The following CCDC7 variants were observed in gnomAD, a reference collection of about 807,000 sequenced individuals.
CCDC7 encodes coiled-coil domain-containing protein 7.
In CCDC7, 183 loss-of-function variants were observed where a neutral mutation model predicts 196.9. That is an observed-to-expected ratio of 0.93 (90% confidence interval 0.82 to 1.05). The LOEUF (loss-of-function observed/expected upper bound fraction) is 1.05. Ranked by LOEUF, CCDC7 falls within the 50% of genes least tolerant of loss-of-function variation. The pLI is 0.00. For missense variants in CCDC7, 1,540 were observed against 1,482.2 expected, an observed-to-expected ratio of 1.04 and a Z score of -0.64; for synonymous variants, 525 against 484.6, an observed-to-expected ratio of 1.08 and a Z score of -1.10.
intron 18 of CCDC7, among the ~76,000 whole-genome samples, chr10:32,617,638 T>C (rs2062925416): frequency 6.6e-6 from 1 of 152,004 alleles, no homozygotes; most frequent in Non-Finnish European, 1.5e-5. Flanking sequence ...TATTCCACTG[T>C]AGTCTGAGAA....
Position 32,796,309 on chromosome 10 carries a change from A to G in CCDC7, c.3014-8706A>G, listed in dbSNP as rs148833986. Among the ~76,000 whole-genome samples, 50 of 152,250 alleles carry G rather than the reference A, an allele frequency of 3.3e-4. No homozygotes were observed. The East Asian group carries it at 8.1e-3, about 25-fold the overall frequency. On this transcript the variant is annotated intron_variant, in intron 29 of 41. Coordinates refer to ENST00000639629, the Ensembl canonical transcript of CCDC7. ...GTAAAGCCAGATTGCTTCTATGCCAACATTTTAAAATCAGAAGCTTTCAAT... is the reference window on the plus strand; with the variant it reads ...GTAAAGCCAGATTGCTTCTATGCCAGCATTTTAAAATCAGAAGCTTTCAAT...
chr10:32,776,268 A>C (rs12257898), intron 28 of CCDC7, among the ~76,000 whole-genome samples: 16,964 of 149,712 alleles, frequency 0.11, 1,105 homozygotes, highest in South Asian at 0.27. Context: ...GTACCCTAAA[A>C]CTTGAAGTAT....
chr10:32,805,076 GAC>G lies in CCDC7; in HGVS notation c.3079_3080del (p.Gln1027ValfsTer8). 1 of 1,611,168 alleles carries G rather than the reference GAC, an allele frequency of 6.2e-7. No individual in the cohort carries two copies. The highest frequency in any genetic ancestry group is 8.5e-7 in the Non-Finnish European group (1 of 1,177,608). On this transcript the variant is annotated frameshift_variant, in exon 30 of 42. Coordinates refer to ENST00000639629, the Ensembl canonical transcript of CCDC7. LOFTEE classifies it high-confidence loss of function. ...GACGCTTATTAAATGATGAATTCAAGACACAGTCAAAGAGTTTCCCTGGTAAG... is the reference window on the plus strand; with the variant it reads ...GACGCTTATTAAATGATGAATTCAAGACAGTCAAAGAGTTTCCCTGGTAAG...
rs2093245764 is a variant in CCDC7, at chr10:32,845,684, A to G, written c.3520+58A>G. 6 of 1,475,226 alleles carry G rather than the reference A, an allele frequency of 4.1e-6. No homozygotes were observed. The South Asian group carries it at 5.8e-5, about 14-fold the overall frequency. 91.4% of individuals were successfully genotyped at this position (1,475,226 alleles called of 1,614,324 possible). A position where few individuals can be genotyped will look rare whatever the true frequency, so the allele number is the denominator to read the frequency against. On this transcript the variant is annotated intron_variant, in intron 35 of 41. Transcript: ENST00000639629. ...TGGTTTATTTATATTCCTGGAGTTA[A>G]ATTAAGTGTGGACATTTAATGGCAA...
At chr10:32,523,800 C>CT (rs956586251) in intron 11 of CCDC7, among the ~76,000 whole-genome samples, 2 of 150,198 alleles carry the variant, frequency 1.3e-5, no homozygotes, top group Non-Finnish European at 3.0e-5. Flanking sequence ...GTTACTCCTG[C>CT]TTTTTTTTTG....
At chr10:32,739,416 A>G (rs2085429740) in intron 28 of CCDC7, among the ~76,000 whole-genome samples, 1 of 152,182 alleles carries the variant, frequency 6.6e-6, no homozygotes, top group African/African-American at 2.4e-5. Context: ...ACTGATAAGA[A>G]CATCAAAGGC....
chr10:32,643,999 G>T (rs2067311457), intron 20 of CCDC7, among the ~76,000 whole-genome samples: 1 of 144,866 alleles, frequency 6.9e-6, no homozygotes, highest in Non-Finnish European at 1.6e-5. Context: ...CAATTCAGAG[G>T]CTTCACAATT....
At chr10:32,471,339 T>G in intron 6 of CCDC7, 109 bp downstream of exon 7, 1 of 1,318,564 alleles carries the variant, frequency 7.6e-7, no homozygotes, top group Non-Finnish European at 1.0e-6. Context: ...ACAGAGCTTC[T>G]TAGTCAAATC....
chr10:32,718,064 G>T (rs572731357), intron 25 of CCDC7, among the ~76,000 whole-genome samples: 11 of 152,184 alleles, frequency 7.2e-5, no homozygotes, highest in African/African-American at 2.6e-4. Flanking sequence ...CCAAAATCTG[G>T]CAGAGACACA....
At chr10:32,508,738 C>T (rs768845189) in intron 9 of CCDC7, among the ~76,000 whole-genome samples, 5 of 151,700 alleles carry the variant, frequency 3.3e-5, no homozygotes, top group Non-Finnish European at 7.4e-5. Context: ...TCAAGCAATT[C>T]TCCTGCCTCA....
At chr10:32,491,472 C>T (rs2042142751) in intron 8 of CCDC7, among the ~76,000 whole-genome samples, 1 of 152,110 alleles carries the variant, frequency 6.6e-6, no homozygotes, top group African/African-American at 2.4e-5. Flanking sequence ...AACAGGTTAG[C>T]TAGATCCTTC....
chr10:32,497,480 T>C (rs1251944571), intron 9 of CCDC7, among the ~76,000 whole-genome samples: 2 of 152,244 alleles, frequency 1.3e-5, no homozygotes, highest in Non-Finnish European at 2.9e-5. Context: ...TTAATTGTGA[T>C]GTTAGGGTGT....
intron 40 of CCDC7, among the ~76,000 whole-genome samples, chr10:32,854,103 C>T (rs745614072): frequency 6.6e-6 from 1 of 152,128 alleles, no homozygotes; most frequent in Non-Finnish European, 1.5e-5. Flanking sequence ...CAAGGTTTAA[C>T]TCCTTCTTGT....
upstream of CCDC7, among the ~76,000 whole-genome samples, chr10:32,446,956 TC>T (rs1419428303): frequency 5.2e-5 from 5 of 96,330 alleles, 1 homozygote; most frequent in African/African-American, 2.1e-4. Context: ...CCTCCCTCCC[TC>T]CCTCCCTCCC....
At chr10:32,502,806 T>C (rs914987123) in intron 9 of CCDC7, among the ~76,000 whole-genome samples, 1 of 152,242 alleles carries the variant, frequency 6.6e-6, no homozygotes, top group African/African-American at 2.4e-5. Context: ...TTTTCAATTC[T>C]TTGTGTGTTC....
intron 33 of CCDC7, among the ~76,000 whole-genome samples, chr10:32,843,764 G>A (rs1252584765): frequency 6.6e-6 from 1 of 151,870 alleles, no homozygotes; most frequent in Non-Finnish European, 1.5e-5. Context: ...TGTGCTAGTT[G>A]GAGTAATAAT....
chr10:32,735,246 G>A (rs1183979711), intron 28 of CCDC7, among the ~76,000 whole-genome samples: 1 of 152,186 alleles, frequency 6.6e-6, no homozygotes, highest in African/African-American at 2.4e-5. Flanking sequence ...GTATCATATA[G>A]TAATACTATA....
chr10:32,483,291 A>T (rs1358556596), intron 8 of CCDC7, among the ~76,000 whole-genome samples: 2 of 152,182 alleles, frequency 1.3e-5, no homozygotes, highest in Admixed American at 1.3e-4. Flanking sequence ...GCTGCATAAA[A>T]GTCTTCTTTT....
At chr10:32,476,192 C>T (rs1267462849) in intron 8 of CCDC7, among the ~76,000 whole-genome samples, 2 of 152,142 alleles carry the variant, frequency 1.3e-5, no homozygotes, top group African/African-American at 2.4e-5. Context: ...CCCCCAAAAT[C>T]CCCTGTGTCC....
Sources: gnomAD v4.1 joint callset for allele counts (sites outside exome capture counted in the v4.1 genomes callset) on GRCh38, gnomAD v4.1.1 for gene constraint, MANE v1.5 for transcripts, NCBI Gene and HGNC (gene_info 2026-07-23, HGNC 2026-07-21) for gene names.